Variants in RNLS observed in about 807,000 individuals in gnomAD.
RNLS encodes renalase, FAD dependent amine oxidase.
A neutral mutation model predicts 39.8 loss-of-function variants in RNLS; 39 were observed. That is an observed-to-expected ratio of 0.98 (90% confidence interval 0.76 to 1.28). The LOEUF (loss-of-function observed/expected upper bound fraction) is 1.28. Ranked by LOEUF, RNLS falls within the 50% of genes most tolerant of loss-of-function variation. The probability of loss-of-function intolerance (pLI) is 0.00; values close to 1 mark genes in which losing one functional copy is unlikely to be tolerated. For synonymous variants in RNLS, 147 were observed against 150.7 expected (o/e 0.98, Z 0.18); for missense variants, 410 against 413.3 (o/e 0.99, Z 0.07).
At chr10:88,328,952 AT>A (rs2133146573) in intron 5 of RNLS, among the ~76,000 whole-genome samples, 1 of 152,280 alleles carries the variant, frequency 6.6e-6, no homozygotes, top group Admixed American at 6.5e-5. Context: ...TTTTATCTGC[AT>A]TTGTGAAATA....
At chr10:88,516,887 G>A (rs1256089677) in intron 4 of RNLS, among the ~76,000 whole-genome samples, 3 of 151,812 alleles carry the variant, frequency 2.0e-5, no homozygotes, top group African/African-American at 7.3e-5. Context: ...CAGATATACC[G>A]ACTTTGACAA....
intron 4 of RNLS, among the ~76,000 whole-genome samples, chr10:88,564,771 T>G (rs1849402363): frequency 6.6e-6 from 1 of 152,178 alleles, no homozygotes; most frequent in South Asian, 2.1e-4. Context: ...AGGGTCACAA[T>G]ATGATACATG....
intron 4 of RNLS, among the ~76,000 whole-genome samples, chr10:88,553,246 C>T (rs917128434): frequency 1.3e-5 from 2 of 152,138 alleles, no homozygotes; most frequent in Non-Finnish European, 2.9e-5. Flanking sequence ...TGACACATAG[C>T]AATATAAAAG....
chr10:88,275,686 C>T lies in RNLS; in HGVS notation c.877-654G>A, dbSNP rs114627683. 7.7e-3 allele frequency among the ~76,000 whole-genome samples: 1,177 copies of T among 152,230 alleles called. 16 individuals carry two copies. Among genetic ancestry groups the T allele is most frequent in the African/African-American group, 0.025 (1,020 of 41,532 alleles). On this transcript the variant is annotated intron_variant, in intron 6 of 6. Coordinates refer to the RNLS transcript ENST00000371947. ...AATATGCTGTAAAATTAAAAACGCA[C>T]AGAACATTACCATAATTTATGGATA...
intron 6 of RNLS, among the ~76,000 whole-genome samples, chr10:88,275,907 A>G (rs1842795861): frequency 6.6e-6 from 1 of 152,016 alleles, no homozygotes; most frequent in African/African-American, 2.4e-5. Context: ...CAAAAAAATT[A>G]GCCTAATGTA....
At chr10:88,176,422 C>T in the RNLS span, among the ~76,000 whole-genome samples, 1 of 152,216 alleles carries the variant, frequency 6.6e-6, no homozygotes, top group Non-Finnish European at 1.5e-5. Context: ...GATCCACCTG[C>T]CTTAGCCTCC....
Position 88,314,556 on chromosome 10 carries a change from C to T in RNLS, c.786G>A (p.Val262=), listed in dbSNP as rs1845615414. 2 of 1,613,970 alleles carry T rather than the reference C, an allele frequency of 1.2e-6. No homozygotes were observed. Among genetic ancestry groups the T allele is most frequent in the Non-Finnish European group, 1.7e-6 (2 of 1,179,878 alleles). The change falls in exon 6 of 7, where the codon GTG becomes GTA. Residue 262 remains valine (V), a synonymous_variant. Coordinates refer to ENST00000331772, the MANE Select transcript of RNLS (RefSeq NM_001031709.3). ...CCAGCTGCTGGAAGACTAACTCTTG[C>T]ACATCCTCAATGCTGTGTTCCAAGT... ...VTYLEHSIED[V]QELVFQQLEN... is the part of the protein sequence containing the mutation.
chr10:88,185,060 T>A, the RNLS span, among the ~76,000 whole-genome samples: 5 of 152,098 alleles, frequency 3.3e-5, no homozygotes, highest in Non-Finnish European at 7.4e-5. Context: ...CATCCACTGA[T>A]CAGAAATATA....
chr10:88,374,461 T>C (rs886555150), intron 4 of RNLS, among the ~76,000 whole-genome samples: 6 of 152,154 alleles, frequency 3.9e-5, no homozygotes, highest in African/African-American at 9.6e-5. Flanking sequence ...TCAAGACTCA[T>C]GGTTTTCCCA....
At chr10:88,242,044 T>C in the RNLS span, among the ~76,000 whole-genome samples, 1 of 152,204 alleles carries the variant, frequency 6.6e-6, no homozygotes, top group Non-Finnish European at 1.5e-5. Context: ...TGATGGAAGG[T>C]GCAATCTATT....
intron 4 of RNLS, among the ~76,000 whole-genome samples, chr10:88,402,639 T>C (rs906940023): frequency 1.6e-4 from 24 of 152,158 alleles, no homozygotes; most frequent in Middle Eastern, 3.4e-3. Context: ...GACAATGTAG[T>C]GTAAGCCAGA....
intron 5 of RNLS, among the ~76,000 whole-genome samples, chr10:88,359,152 C>T (rs1376617175): frequency 2.0e-5 from 3 of 151,900 alleles, no homozygotes; most frequent in African/African-American, 7.3e-5. Flanking sequence ...GTCTCTACTA[C>T]AAGTACAAAA....
chr10:88,531,330 A>G (rs187860569), intron 4 of RNLS, among the ~76,000 whole-genome samples: 2 of 151,894 alleles, frequency 1.3e-5, no homozygotes, highest in Non-Finnish European at 2.9e-5. Flanking sequence ...AAAGGCAACT[A>G]TAAGGGAATG....
intron 6 of RNLS, among the ~76,000 whole-genome samples, chr10:88,277,294 G>A (rs1363873558): frequency 6.6e-6 from 1 of 152,036 alleles, no homozygotes; most frequent in Non-Finnish European, 1.5e-5. Context: ...TTGGACACAG[G>A]GCGGGGAGCA....
intron 4 of RNLS, among the ~76,000 whole-genome samples, chr10:88,423,836 C>T (rs1052280988): frequency 1.3e-5 from 2 of 152,152 alleles, no homozygotes; most frequent in Admixed American, 1.3e-4. Flanking sequence ...ATGGACCCTT[C>T]CCCTGGAAAT....
chr10:88,255,464 G>T, the RNLS span, among the ~76,000 whole-genome samples: 1 of 152,144 alleles, frequency 6.6e-6, no homozygotes, highest in Non-Finnish European at 1.5e-5. Context: ...GGCACACACA[G>T]GCTGCCTTGG....
intron 5 of RNLS, 123 bp downstream of exon 5, chr10:88,362,429 C>A: frequency 3.7e-6 from 3 of 814,822 alleles, no homozygotes. Context: ...TAAATTTTAT[C>A]CCCTGTGGCT....
chr10:88,536,344 G>A (rs938604481), intron 4 of RNLS, among the ~76,000 whole-genome samples: 2 of 152,030 alleles, frequency 1.3e-5, no homozygotes, highest in Admixed American at 6.6e-5. Flanking sequence ...TCTCCTTTGC[G>A]CAAGCAATCA....
intron 4 of RNLS, among the ~76,000 whole-genome samples, chr10:88,551,891 T>A (rs146192458): frequency 6.6e-6 from 1 of 152,308 alleles, no homozygotes; most frequent in East Asian, 1.9e-4. Context: ...GAGCTATTGT[T>A]ATTTACTCTA....
Sources: allele counts gnomAD v4.1 joint callset (sites outside exome capture counted in the v4.1 genomes callset), GRCh38; gene constraint gnomAD v4.1.1; transcripts MANE v1.5; gene names NCBI Gene and HGNC (gene_info 2026-07-23, HGNC 2026-07-21).